The following GPC5 variants were observed in gnomAD, a reference collection of about 807,000 sequenced individuals.
GPC5 encodes glypican 5, also known as glypican-5.
GPC5 carries 47 observed loss-of-function variants against 53.9 expected under a neutral mutation model. That is an observed-to-expected ratio of 0.87 (90% CI 0.69 to 1.11). GPC5 has a LOEUF of 1.11. GPC5 is among the 50% of genes most tolerant of loss of function. The pLI is 0.00. For synonymous variants in GPC5, 286 were observed against 263.3 expected, an observed-to-expected ratio of 1.09 and a Z score of -0.84; for missense variants, 748 against 713.1, an observed-to-expected ratio of 1.05 and a Z score of -0.56.
At chr13:91,460,775 A>G (rs1447491197) in intron 2 of GPC5, among the ~76,000 whole-genome samples, 1 of 150,938 alleles carries the variant, frequency 6.6e-6, no homozygotes, top group African/African-American at 2.4e-5. Context: ...TTTTTTTTCT[A>G]TAGGCTTGGG....
chr13:92,784,953 T>TA (rs1262800574), intron 7 of GPC5, among the ~76,000 whole-genome samples: 3 of 152,082 alleles, frequency 2.0e-5, no homozygotes, highest in African/African-American at 7.2e-5. Flanking sequence ...TCCCCCAACC[T>TA]AAAAATACGT....
intron 5 of GPC5, among the ~76,000 whole-genome samples, chr13:91,758,580 G>T (rs1221032760): frequency 6.6e-6 from 1 of 152,050 alleles, no homozygotes; most frequent in African/African-American, 2.4e-5. Flanking sequence ...TCAGCTCAAT[G>T]AATATATTTT....
chr13:92,781,809 G>C lies in GPC5; in HGVS notation c.1562-84473G>C, dbSNP rs551771433. 8.5e-5 allele frequency among the ~76,000 whole-genome samples: 13 copies of C among 152,294 alleles called. No individual in the cohort carries two copies. In the South Asian group the frequency reaches 2.7e-3, roughly 32 times the overall value. ...TGCAAACAGACTGTTCACTGTGACT[G>C]ATAGGCAGAGATCTTCAAGCTGTAG... On this transcript the variant is annotated intron_variant, in intron 7 of 7. Transcript: ENST00000377067.
chr13:91,985,033 T>G (rs2040394038), intron 6 of GPC5, among the ~76,000 whole-genome samples: 1 of 152,238 alleles, frequency 6.6e-6, no homozygotes, highest in Admixed American at 6.5e-5. Flanking sequence ...TATATGTTTT[T>G]TCTAATTAGA....
chr13:91,586,529 TATATATATATATATATATATATATA>T (rs1481978626), intron 2 of GPC5, among the ~76,000 whole-genome samples: 1 of 37,406 alleles, frequency 2.7e-5, no homozygotes, highest in African/African-American at 2.9e-4. Flanking sequence ...TATATATATA[TATATATATATATATATATATATATA>T]TATATATGTA....
At position 91,530,114 on chromosome 13, in the gene GPC5, A is replaced by G. The variant is rs113969118; in HGVS notation, c.325+81192A>G. On this transcript the variant is annotated intron_variant, in intron 2 of 7. Transcript: ENST00000377067. ...TTGGGAATTGCTGTACAGTTGCACC[A>G]TTTTGCGAAACCTTCTTCAACATCT... is the stretch of plus-strand genomic sequence containing the variant. Among the ~76,000 whole-genome samples, 14 of 152,294 alleles carry G rather than the reference A, an allele frequency of 9.2e-5. 1 individual carries two copies. The highest frequency in any genetic ancestry group is 3.1e-4 in the African/African-American group (13 of 41,574).
At chr13:91,717,196 G>A (rs1253000896) in intron 3 of GPC5, among the ~76,000 whole-genome samples, 3 of 152,196 alleles carry the variant, frequency 2.0e-5, no homozygotes, top group Non-Finnish European at 4.4e-5. Flanking sequence ...GGGTGACTCC[G>A]GAGACTGTAA....
chr13:92,499,302 T>C (rs1045411919), intron 7 of GPC5, among the ~76,000 whole-genome samples: 1 of 152,140 alleles, frequency 6.6e-6, no homozygotes, highest in African/African-American at 2.4e-5. Context: ...CAAATGTTAC[T>C]GGCAATGACA....
intron 7 of GPC5, among the ~76,000 whole-genome samples, chr13:92,478,922 A>G (rs1272505970): frequency 2.0e-5 from 3 of 152,174 alleles, no homozygotes; most frequent in South Asian, 2.1e-4. Context: ...GCTGGATTGA[A>G]GGCATATCTA....
At chr13:91,766,070 T>A (rs1196850199) in intron 5 of GPC5, among the ~76,000 whole-genome samples, 1 of 152,226 alleles carries the variant, frequency 6.6e-6, no homozygotes, top group South Asian at 2.1e-4. Context: ...TTCTAGATGC[T>A]AGGGACACAG....
intron 7 of GPC5, among the ~76,000 whole-genome samples, chr13:92,493,447 A>G (rs1460234949): frequency 6.6e-6 from 1 of 152,220 alleles, no homozygotes; most frequent in African/African-American, 2.4e-5. Flanking sequence ...AGTATTGACT[A>G]TCTGCACATT....
intron 7 of GPC5, among the ~76,000 whole-genome samples, chr13:92,557,154 C>A (rs1451156623): frequency 1.3e-5 from 2 of 151,466 alleles, no homozygotes; most frequent in Non-Finnish European, 2.9e-5. Flanking sequence ...TATTCTAGCC[C>A]CTTTTGATGG....
chr13:92,008,401 A>AT (rs1011685858), intron 6 of GPC5, among the ~76,000 whole-genome samples: 78 of 151,614 alleles, frequency 5.1e-4, no homozygotes, highest in African/African-American at 1.8e-3. Flanking sequence ...AACATTTTTC[A>AT]TTTTTCATTC....
chr13:92,063,111 C>A (rs1016539637), intron 6 of GPC5, among the ~76,000 whole-genome samples: 1 of 151,060 alleles, frequency 6.6e-6, no homozygotes, highest in Non-Finnish European at 1.5e-5. Context: ...GAAAGTAACA[C>A]TGACTTAAAC....
chr13:92,796,125 A>C (rs530524797), intron 7 of GPC5, among the ~76,000 whole-genome samples: 3 of 152,174 alleles, frequency 2.0e-5, no homozygotes, highest in African/African-American at 7.2e-5. Flanking sequence ...ATGTCCATCG[A>C]TGATAGACTG....
intron 2 of GPC5, among the ~76,000 whole-genome samples, chr13:91,611,570 G>T (rs759390613): frequency 6.6e-6 from 1 of 152,154 alleles, no homozygotes; most frequent in Non-Finnish European, 1.5e-5. Flanking sequence ...TTATAGTCCA[G>T]TCAAGGTTTT....
In GPC5 at chr13:91,399,099, T is replaced by G; in HGVS notation, c.53T>G (p.Leu18Arg). Residue 18 changes from leucine to arginine, a missense_variant, in exon 1 of 8, where the codon CTG becomes CGG. Coordinates refer to ENST00000377067, the MANE Select transcript of GPC5 (RefSeq NM_004466.6). Reference protein sequence around the residue: ...VGFRCLLLLALVGSARSEGVQ... With the variant: ...VGFRCLLLLARVGSARSEGVQ... Reference sequence around the variant, plus strand: ...TTTCGCTGCCTCCTCCTTCTGGCCCTGGTTGGGTCCGCCCGCAGCGAGGGC... The same window carrying G: ...TTTCGCTGCCTCCTCCTTCTGGCCCGGGTTGGGTCCGCCCGCAGCGAGGGC... 6.2e-7 allele frequency: 1 copy of G among 1,600,358 alleles called. No homozygotes were observed. Among genetic ancestry groups the G allele is most frequent in the East Asian group, 2.3e-5 (1 of 44,114 alleles).
intron 5 of GPC5, among the ~76,000 whole-genome samples, chr13:91,872,117 A>G (rs2039152047): frequency 6.6e-6 from 1 of 152,126 alleles, no homozygotes; most frequent in Non-Finnish European, 1.5e-5. Flanking sequence ...GAAACAGAAG[A>G]GGTAAACTAG....
chr13:92,020,565 C>G (rs2138789755), intron 6 of GPC5, among the ~76,000 whole-genome samples: 1 of 151,998 alleles, frequency 6.6e-6, no homozygotes, highest in South Asian at 2.1e-4. Flanking sequence ...TGATTAGTGA[C>G]ACTGAGCATT....
Sources: gnomAD v4.1 joint callset for allele counts (sites outside exome capture counted in the v4.1 genomes callset) on GRCh38, gnomAD v4.1.1 for gene constraint, MANE v1.5 for transcripts, NCBI Gene and HGNC (gene_info 2026-07-23, HGNC 2026-07-21) for gene names.